ARAP2: variants seen among roughly 807,000 people sequenced by gnomAD.
The protein encoded by ARAP2 is arf-GAP with Rho-GAP domain, ANK repeat and PH domain-containing protein 2.
Under a neutral mutation model 194.5 loss-of-function variants are expected in ARAP2, and 148 were observed. The ratio of observed to expected loss-of-function variants is 0.76; its 90% confidence interval spans 0.67 to 0.87. ARAP2 has a LOEUF of 0.87. Among genes scored for constraint, ARAP2 ranks in the 40% least tolerant of loss-of-function variants. ARAP2 has a pLI of 0.00. For synonymous variants in ARAP2, 695 were observed against 683.5 expected (o/e 1.02, Z -0.26); for missense variants, 2,128 against 1,989.7 (o/e 1.07, Z -1.32).
chr4:36,201,677 G>A (rs970623232), intron 6 of ARAP2, among the ~76,000 whole-genome samples: 9 of 152,066 alleles, frequency 5.9e-5, no homozygotes, highest in African/African-American at 1.9e-4. Context: ...GTCTCAAAAT[G>A]TGTTTCTTAA....
At chr4:36,013,778 T>G (rs556918103) in intron 8 of ARAP2, among the ~76,000 whole-genome samples, 3 of 152,162 alleles carry the variant, frequency 2.0e-5, no homozygotes, top group Admixed American at 2.0e-4. Context: ...TAACAGGTAA[T>G]TATAGGAAAA....
At chr4:36,061,829 G>A (rs974488125), downstream of ARAP2, among the ~76,000 whole-genome samples, 3 of 151,842 alleles carry the variant, frequency 2.0e-5, no homozygotes, top group African/African-American at 7.3e-5. Flanking sequence ...GACTGTTTTG[G>A]GGGTATAAAC....
chr4:36,012,690 T>G (rs1714777757), exon 9 of ARAP2: 1 of 152,206 alleles, frequency 6.6e-6, no homozygotes, highest in Admixed American at 6.5e-5. Context: ...AAGGGCATAC[T>G]TCTTCATGCT....
intron 15 of ARAP2, among the ~76,000 whole-genome samples, chr4:36,157,920 C>T (rs886616025): frequency 5.9e-5 from 9 of 152,078 alleles, no homozygotes; most frequent in Admixed American, 5.9e-4. Context: ...TGAGTAATAT[C>T]ACTGAACTAT....
At chr4:36,012,183 G>C (rs1714699181) in intron 9 of ARAP2, among the ~76,000 whole-genome samples, 1 of 152,040 alleles carries the variant, frequency 6.6e-6, no homozygotes, top group African/African-American at 2.4e-5. Context: ...AAATGTTATG[G>C]TTTTCATTTG....
intron 24 of ARAP2, among the ~76,000 whole-genome samples, chr4:36,119,104 C>A (rs911415938): frequency 6.6e-6 from 1 of 151,246 alleles, no homozygotes; most frequent in Non-Finnish European, 1.5e-5. Flanking sequence ...CATAGTGCAA[C>A]CAGAACACAA....
rs767193842 is a variant in ARAP2 at position 36,165,003 on chromosome 4, T to A, written c.2084A>T (p.Glu695Val). 6.2e-7 allele frequency: 1 copy of A among 1,614,136 alleles called. No individual in the cohort carries two copies. The highest frequency in any genetic ancestry group is 8.5e-7 in the Non-Finnish European group (1 of 1,179,964). ...ACAATCTGCACAGCTCCTGTTGGAT[T>A]CATTGAACCAAATCTTCTCAGCTAC... ...YEVAEKIWFN[E>V]SNRSCADCKA... Residue 695 changes from glutamate to valine, a missense_variant, in exon 11 of 33, where the codon GAA becomes GTA. By Grantham distance (121) the Glu-to-Val change is moderately radical. Coordinates refer to ENST00000303965, the MANE Select transcript of ARAP2 (RefSeq NM_015230.4).
chr4:36,135,872 T>C (rs894411587), intron 19 of ARAP2, among the ~76,000 whole-genome samples: 1 of 151,868 alleles, frequency 6.6e-6, no homozygotes, highest in East Asian at 1.9e-4. Context: ...TAGCAAGCAG[T>C]GAAAGAAATC....
intron 27 of ARAP2, among the ~76,000 whole-genome samples, chr4:36,094,537 A>G (rs1055880338): frequency 4.6e-5 from 7 of 152,126 alleles, no homozygotes; most frequent in African/African-American, 1.4e-4. Context: ...ACTTTTTCTT[A>G]CTATCAAGCA....
At position 36,236,287 on chromosome 4, in the gene ARAP2, T is replaced by C. The variant is rs139345537; in HGVS notation, c.-159-6642A>G. ...CCCAAACTCCCTCCCCATTACCCAT[T>C]ACCAGTGGAGCTTTGTCATAAATCC... is the stretch of plus-strand genomic sequence containing the variant. On this transcript the variant is annotated intron_variant, in intron 1 of 32. Coordinates refer to ENST00000303965, the MANE Select transcript of ARAP2 (RefSeq NM_015230.4). Among the ~76,000 whole-genome samples, 67 of 152,160 alleles carry C rather than the reference T, an allele frequency of 4.4e-4. 1 individual carries two copies. The South Asian group carries it at 4.6e-3, about 10-fold the overall frequency.
intron 27 of ARAP2, among the ~76,000 whole-genome samples, chr4:36,101,430 G>A (rs1485355922): frequency 6.6e-6 from 1 of 150,402 alleles, no homozygotes; most frequent in Non-Finnish European, 1.5e-5. Context: ...TACTAATGCA[G>A]CAAATTGCAG....
chr4:36,205,474 C>A (rs561098276), intron 6 of ARAP2, among the ~76,000 whole-genome samples: 232 of 151,358 alleles, frequency 1.5e-3, no homozygotes, highest in Non-Finnish European at 2.5e-3. Context: ...TTATAACAAT[C>A]AAAAAAAATG....
At chr4:36,225,804 A>C (rs572535407) in intron 2 of ARAP2, among the ~76,000 whole-genome samples, 1 of 152,280 alleles carries the variant, frequency 6.6e-6, no homozygotes, top group East Asian at 1.9e-4. Flanking sequence ...TAATTCCTTT[A>C]AAAACACAGG....
intron 7 of ARAP2, among the ~76,000 whole-genome samples, chr4:36,188,320 C>CT (rs1302327500): frequency 1.3e-5 from 2 of 152,112 alleles, no homozygotes; most frequent in African/African-American, 4.8e-5. Flanking sequence ...AGTGCTTATA[C>CT]TTTCAAGGAG....
intron 30 of ARAP2, 41 bp downstream of exon 30, chr4:36,082,210 A>T: frequency 1.3e-6 from 2 of 1,557,724 alleles, no homozygotes; most frequent in Non-Finnish European, 1.8e-6. Context: ...TGAAATTGTC[A>T]CCAATATATT....
intron 22 of ARAP2, 59 bp downstream of exon 22, chr4:36,124,803 A>G: frequency 9.5e-7 from 1 of 1,056,362 alleles, no homozygotes. Flanking sequence ...CACATAAGAA[A>G]TAATGACTTA....
Position 36,212,345 on chromosome 4 carries a change from G to A in ARAP2, c.1133+51C>T, listed in dbSNP as rs1165042459. 2.8e-6 allele frequency: 4 copies of A among 1,419,614 alleles called. No homozygotes were observed. In the African/African-American group the frequency reaches 4.3e-5, roughly 15 times the overall value. 87.9% of individuals were successfully genotyped at this position (1,419,614 alleles called of 1,614,324 possible). A position where few individuals can be genotyped will look rare whatever the true frequency, so the allele number is the denominator to read the frequency against. ...ATACTAAGAATGAGAAGTCAACATT[G>A]TATAACAGTTTATTCTAAATAGTTA... On this transcript the variant is annotated intron_variant, in intron 5 of 32. Transcript: ENST00000303965.
chr4:36,226,777 A>G (rs891098064), intron 2 of ARAP2, among the ~76,000 whole-genome samples: 5 of 152,222 alleles, frequency 3.3e-5, no homozygotes, highest in Non-Finnish European at 7.3e-5. Context: ...CTAAATGAGT[A>G]TCAAGATTCT....
rs143733684 is a variant in ARAP2 at position 36,029,776 on chromosome 4, A to G, written n.608-10490T>C. Among the ~76,000 whole-genome samples the G allele has an allele frequency of 8.0e-3, 1,208 of 151,918 alleles. 7 individuals are homozygous for G. Among genetic ancestry groups the G allele is most frequent in the South Asian group, 0.043 (206 of 4,798 alleles). Reference sequence around the variant, plus strand: ...GTACCTTTTTGACAATACCTTTAATAATGTCTTTGGTCCACTTTTCCCTTA... The same window carrying G: ...GTACCTTTTTGACAATACCTTTAATGATGTCTTTGGTCCACTTTTCCCTTA... On this transcript the variant is annotated intron_variant and non_coding_transcript_variant, in intron 5 of 12. Coordinates refer to the ARAP2 transcript ENST00000503225.
Sources: gnomAD v4.1 joint callset for allele counts (sites outside exome capture counted in the v4.1 genomes callset) on GRCh38, gnomAD v4.1.1 for gene constraint, MANE v1.5 for transcripts, NCBI Gene and HGNC (gene_info 2026-07-23, HGNC 2026-07-21) for gene names.